Variants in LINGO2 observed in about 807,000 individuals in gnomAD.
LINGO2 encodes leucine-rich repeat and immunoglobulin-like domain-containing nogo receptor-interacting protein 2.
Under a neutral mutation model 30.6 loss-of-function variants are expected in LINGO2, and 14 were observed. The ratio of observed to expected loss-of-function variants is 0.46; its 90% CI spans 0.30 to 0.72. The LOEUF is 0.72. Ranked by LOEUF, LINGO2 falls within the 30% of genes least tolerant of loss-of-function variation. LINGO2 has a pLI of 0.07. For missense variants in LINGO2, 729 were observed against 751.7 expected, an observed-to-expected ratio of 0.97 and a Z score of 0.35; for synonymous variants, 317 against 288.5, an observed-to-expected ratio of 1.10 and a Z score of -1.00.
chr9:28,996,382 G>A, the LINGO2 span, among the ~76,000 whole-genome samples: 1 of 152,084 alleles, frequency 6.6e-6, no homozygotes, highest in East Asian at 1.9e-4. Context: ...AGAAATACAA[G>A]GAAGATCACC....
chr9:28,345,612 G>A (rs1428099311), intron 3 of LINGO2, among the ~76,000 whole-genome samples: 1 of 152,126 alleles, frequency 6.6e-6, no homozygotes, highest in Non-Finnish European at 1.5e-5. Context: ...TGGGCCTTTT[G>A]AAGGATGACT....
chr9:28,181,040 G>C (rs1828896440), intron 4 of LINGO2, among the ~76,000 whole-genome samples: 1 of 152,084 alleles, frequency 6.6e-6, no homozygotes, highest in Admixed American at 6.6e-5. Context: ...ATTAGATTTA[G>C]GTAAAAATTC....
At chr9:28,358,673 A>G (rs976677510) in intron 3 of LINGO2, among the ~76,000 whole-genome samples, 1 of 152,106 alleles carries the variant, frequency 6.6e-6, no homozygotes, top group African/African-American at 2.4e-5. Context: ...CATTTATGAA[A>G]CGGGGATTAT....
At chr9:28,796,969 C>T in the LINGO2 span, among the ~76,000 whole-genome samples, 3,388 of 151,596 alleles carry the variant, frequency 0.022, 129 homozygotes, top group African/African-American at 0.076. Context: ...GTGTTTTAGA[C>T]TGCACATCTT....
chr9:28,237,711 C>A (rs567256929), intron 4 of LINGO2, among the ~76,000 whole-genome samples: 2 of 151,866 alleles, frequency 1.3e-5, no homozygotes, highest in African/African-American at 4.8e-5. Context: ...AAAAATTAGC[C>A]GGGCATGGTG....
intron 1 of LINGO2, chr9:28,598,615 T>C (rs1825318955): frequency 6.6e-6 from 1 of 152,180 alleles, no homozygotes; most frequent in South Asian, 2.1e-4. Flanking sequence ...AGTTCAGTGG[T>C]GTGAGCAGCC....
At chr9:28,971,747 C>A in the LINGO2 span, among the ~76,000 whole-genome samples, 2 of 152,224 alleles carry the variant, frequency 1.3e-5, no homozygotes, top group Admixed American at 1.3e-4. Context: ...AGGACATAGG[C>A]CTGGCCACCT....
At chr9:27,981,570 G>GAAAAAAAAAAAA (rs147823149) in intron 5 of LINGO2, among the ~76,000 whole-genome samples, 3 of 101,484 alleles carry the variant, frequency 3.0e-5, no homozygotes, top group South Asian at 3.3e-4. Flanking sequence ...GAAAAAAAAA[G>GAAAAAAAAAAAA]AAAAAAAAAA....
the LINGO2 span, among the ~76,000 whole-genome samples, chr9:28,728,607 C>G: frequency 6.6e-6 from 1 of 151,968 alleles, no homozygotes; most frequent in Non-Finnish European, 1.5e-5. Flanking sequence ...CTGCCTCTTA[C>G]TTATAATGGA....
chr9:27,985,593 A>G (rs1821086521), intron 5 of LINGO2, among the ~76,000 whole-genome samples: 1 of 134,390 alleles, frequency 7.4e-6, no homozygotes, highest in Admixed American at 8.2e-5. Flanking sequence ...AAAACACAAG[A>G]AAAAGTGTAG....
At chr9:29,173,290 T>G in the LINGO2 span, among the ~76,000 whole-genome samples, 2 of 152,098 alleles carry the variant, frequency 1.3e-5, no homozygotes, top group Non-Finnish European at 2.9e-5. Context: ...GCTGTAGTAA[T>G]TATGTTAGAG....
intron 1 of LINGO2, among the ~76,000 whole-genome samples, chr9:28,667,945 A>G (rs1213411618): frequency 6.6e-6 from 1 of 152,126 alleles, no homozygotes; most frequent in Non-Finnish European, 1.5e-5. Flanking sequence ...TCTACATTCC[A>G]AGTGCATGTT....
chr9:28,864,398 A>C, the LINGO2 span, among the ~76,000 whole-genome samples: 1 of 152,164 alleles, frequency 6.6e-6, no homozygotes, highest in African/African-American at 2.4e-5. Context: ...AGAAAACCAC[A>C]CCAATAAAAA....
the LINGO2 span, among the ~76,000 whole-genome samples, chr9:28,843,885 T>C: frequency 3.3e-5 from 5 of 151,852 alleles, no homozygotes; most frequent in Admixed American, 2.6e-4. Flanking sequence ...GTTCAAATTA[T>C]TGGCTCTACT....
At chr9:28,799,440 G>A in the LINGO2 span, among the ~76,000 whole-genome samples, 1 of 152,062 alleles carries the variant, frequency 6.6e-6, no homozygotes, top group African/African-American at 2.4e-5. Context: ...TACCATCAAG[G>A]GAGAGACATT....
At chr9:28,718,967 C>T in the LINGO2 span, among the ~76,000 whole-genome samples, 1 of 152,024 alleles carries the variant, frequency 6.6e-6, no homozygotes, top group Non-Finnish European at 1.5e-5. Flanking sequence ...TACAAGCCAT[C>T]ATCACTCTTC....
chr9:28,830,879 C>T, the LINGO2 span, among the ~76,000 whole-genome samples: 10 of 151,368 alleles, frequency 6.6e-5, no homozygotes, highest in Admixed American at 1.3e-4. Context: ...CACTTGCATG[C>T]GTGCGCACGC....
chr9:28,016,955 A>C (rs187331269), intron 4 of LINGO2, among the ~76,000 whole-genome samples: 3 of 152,282 alleles, frequency 2.0e-5, no homozygotes, highest in East Asian at 3.9e-4. Context: ...AATACTAGCA[A>C]ACCAAAACCT....
chr9:28,969,447 C>T, the LINGO2 span, among the ~76,000 whole-genome samples: 93 of 152,194 alleles, frequency 6.1e-4, no homozygotes, highest in African/African-American at 2.2e-3. Flanking sequence ...TAAAAGGTAA[C>T]GGGACATAGT....
Sources: gnomAD v4.1 joint callset for allele counts (sites outside exome capture counted in the v4.1 genomes callset) on GRCh38, gnomAD v4.1.1 for gene constraint, MANE v1.5 for transcripts, NCBI Gene and HGNC (gene_info 2026-07-23, HGNC 2026-07-21) for gene names.